CNTLN: variants seen among roughly 807,000 people sequenced by gnomAD.
CNTLN encodes centlein, centrosomal protein.
CNTLN carries 212 observed loss-of-function variants against 180.0 expected under a neutral mutation model. The observed-to-expected ratio is 1.18, with a 90% CI of 1.05 to 1.32. The LOEUF (loss-of-function observed/expected upper bound fraction) is 1.32, where lower values mean the gene tolerates loss of function less well. CNTLN is among the 40% of genes most tolerant of loss of function. CNTLN has a pLI of 0.00. For synonymous variants in CNTLN, 722 were observed against 563.1 expected (o/e 1.28, Z -3.99); for missense variants, 2,095 against 1,610.9 (o/e 1.30, Z -5.14).
intron 13 of CNTLN, among the ~76,000 whole-genome samples, chr9:17,377,416 T>C (rs2010086): frequency 0.83 from 126,923 of 152,006 alleles, 53,181 homozygotes; most frequent in Non-Finnish European, 0.87. Flanking sequence ...TGGTGCGTGC[T>C]TGTAATCCCA....
intron 8 of CNTLN, among the ~76,000 whole-genome samples, chr9:17,321,280 T>G (rs1819890921): frequency 6.6e-6 from 1 of 152,150 alleles, no homozygotes; most frequent in Non-Finnish European, 1.5e-5. Flanking sequence ...AATTGAGACC[T>G]TTTTTTGAAG....
In CNTLN at chr9:17,415,997, C is replaced by T; in HGVS notation, c.2922C>T (p.Ala974=). Residue 974 remains alanine, a synonymous_variant, in exon 18 of 26, where the codon GCC becomes GCT. Transcript: ENST00000380647. The part of the protein sequence containing the change: ...VNREKYKNIT[A]QKSSSNIILL... The stretch of plus-strand genomic sequence containing the variant: ...GAGAAAAGTACAAAAATATAACTGC[C>T]CAGAAATCAAGTAGCAATATTATTT... 2 of 1,611,716 alleles carry T rather than the reference C, an allele frequency of 1.2e-6. No homozygotes were observed. Among genetic ancestry groups the T allele is most frequent in the South Asian group, 1.1e-5 (1 of 90,254 alleles).
chr9:17,357,003 T>C (rs926962090), intron 12 of CNTLN, among the ~76,000 whole-genome samples: 1 of 152,122 alleles, frequency 6.6e-6, no homozygotes, highest in Non-Finnish European at 1.5e-5. Flanking sequence ...TATATATACA[T>C]ATTTGTTTCT....
intron 25 of CNTLN, among the ~76,000 whole-genome samples, chr9:17,501,125 A>G (rs1408502797): frequency 6.6e-6 from 1 of 152,208 alleles, no homozygotes. Flanking sequence ...AAGCTATTTT[A>G]AAGTCAATGT....
chr9:17,207,395 C>G (rs1438130761), intron 2 of CNTLN, among the ~76,000 whole-genome samples: 1 of 152,082 alleles, frequency 6.6e-6, no homozygotes, highest in East Asian at 1.9e-4. Context: ...GCAGGTGCCA[C>G]TGGGTATGAA....
the CNTLN span, among the ~76,000 whole-genome samples, chr9:17,523,993 C>G: frequency 1.8e-3 from 277 of 152,276 alleles, no homozygotes; most frequent in Middle Eastern, 3.4e-3. Flanking sequence ...AGAAACGTCC[C>G]TTTACTCTTA....
intron 18 of CNTLN, among the ~76,000 whole-genome samples, chr9:17,453,266 T>C (rs1274733815): frequency 2.6e-5 from 4 of 152,030 alleles, no homozygotes; most frequent in African/African-American, 9.7e-5. Context: ...TGGGCTATGA[T>C]TGAGCCACTG....
At chr9:17,314,799 T>C (rs549266647) in intron 8 of CNTLN, among the ~76,000 whole-genome samples, 1 of 152,320 alleles carries the variant, frequency 6.6e-6, no homozygotes, top group East Asian at 1.9e-4. Context: ...TATAATTTGC[T>C]TGGAGTTTAA....
At chr9:17,527,281 G>C in the CNTLN span, among the ~76,000 whole-genome samples, 5 of 152,098 alleles carry the variant, frequency 3.3e-5, no homozygotes, top group Non-Finnish European at 7.4e-5. Flanking sequence ...GAAAAAGAAA[G>C]AAATCCCATT....
intron 25 of CNTLN, among the ~76,000 whole-genome samples, chr9:17,492,891 A>C (rs780291162): frequency 9.9e-5 from 15 of 152,182 alleles, no homozygotes; most frequent in Non-Finnish European, 1.5e-5. Context: ...CATACAGTTT[A>C]TTATTCAGCC....
chr9:17,384,290 GAA>G (rs34297599), intron 13 of CNTLN, among the ~76,000 whole-genome samples: 1 of 148,460 alleles, frequency 6.7e-6, no homozygotes, highest in South Asian at 2.1e-4. Context: ...TAAATAAAAT[GAA>G]AAAAAAAAAA....
At chr9:17,436,951 C>T (rs1016734724) in intron 18 of CNTLN, among the ~76,000 whole-genome samples, 7 of 152,156 alleles carry the variant, frequency 4.6e-5, no homozygotes, top group Admixed American at 2.0e-4. Flanking sequence ...ATTTTATATA[C>T]GTCAGATTCT....
chr9:17,427,734 G>T (rs1487196652), intron 18 of CNTLN, among the ~76,000 whole-genome samples: 1 of 152,068 alleles, frequency 6.6e-6, no homozygotes, highest in Non-Finnish European at 1.5e-5. Flanking sequence ...AAATATTATT[G>T]CCCTTAGTTG....
chr9:17,429,738 A>G (rs1032693762), intron 18 of CNTLN, among the ~76,000 whole-genome samples: 2 of 152,010 alleles, frequency 1.3e-5, no homozygotes, highest in African/African-American at 4.8e-5. Context: ...TGTTCTGACT[A>G]TAGAGTCATC....
intron 5 of CNTLN, among the ~76,000 whole-genome samples, chr9:17,261,743 T>C (rs1826996163): frequency 6.6e-6 from 1 of 151,412 alleles, no homozygotes; most frequent in Non-Finnish European, 1.5e-5. Context: ...GGCTTCTAAT[T>C]AAACTAAAGA....
chr9:17,259,207 G>C (rs186950217), intron 5 of CNTLN, among the ~76,000 whole-genome samples: 1 of 149,740 alleles, frequency 6.7e-6, no homozygotes, highest in Non-Finnish European at 1.5e-5. Context: ...TTGTACAAAG[G>C]CCTTTTCTGC....
rs1353765442 is a variant in CNTLN at position 17,395,061 on chromosome 9, T to C, written c.2607T>C (p.Ser869=). 8 of 1,605,616 alleles carry C rather than the reference T, an allele frequency of 5.0e-6. No individual in the cohort carries two copies. The highest frequency in any genetic ancestry group is 6.8e-6 in the Non-Finnish European group (8 of 1,174,642). Residue 869 remains serine, a synonymous_variant, in exon 15 of 26, where the codon AGT becomes AGC. Transcript: ENST00000380647. Reference sequence around the variant, plus strand: ...GCAAGGACGGCTGGGAGGATGTGAGTGAAAGCAGGTAAGGCTCTCATTAAC... The same window carrying C: ...GCAAGGACGGCTGGGAGGATGTGAGCGAAAGCAGGTAAGGCTCTCATTAAC... ...NLSKDGWEDV[S]ESSSDSEAQT...
At chr9:17,272,316 C>T (rs886756476) in intron 5 of CNTLN, among the ~76,000 whole-genome samples, 3 of 152,050 alleles carry the variant, frequency 2.0e-5, no homozygotes, top group Non-Finnish European at 2.9e-5. Flanking sequence ...ACCTCGTGAT[C>T]TGCCCGCCTC....
chr9:17,480,371 AC>A lies in CNTLN; in HGVS notation c.3856-3923del, dbSNP rs35337761. On this transcript the variant is annotated intron_variant, in intron 23 of 25. Coordinates refer to ENST00000380647, the MANE Select transcript of CNTLN (RefSeq NM_017738.4). ...CAAAATTAATGGCAAAAAAAAAAAAACACATTAGGAATGACAAGAATGGATA... is the reference window on the plus strand; with the variant it reads ...CAAAATTAATGGCAAAAAAAAAAAAAACATTAGGAATGACAAGAATGGATA... Among the ~76,000 whole-genome samples, 1,429 of 145,696 alleles carry A rather than the reference AC, an allele frequency of 9.8e-3. 20 individuals carry two copies. Among genetic ancestry groups the A allele is most frequent in the African/African-American group, 0.035 (1,353 of 39,140 alleles).
Sources: allele counts gnomAD v4.1 joint callset (sites outside exome capture counted in the v4.1 genomes callset), GRCh38; gene constraint gnomAD v4.1.1; transcripts MANE v1.5; gene names NCBI Gene and HGNC (gene_info 2026-07-23, HGNC 2026-07-21).